PCDHGB4: variants seen among roughly 807,000 people sequenced by gnomAD.
PCDHGB4 encodes the protein protocadherin gamma subfamily B, 4, also known as protocadherin gamma-B4.
In PCDHGB4, 38 loss-of-function variants were observed where a neutral mutation model predicts 60.5. The ratio of observed to expected loss-of-function variants is 0.63; its 90% CI spans 0.48 to 0.82. The LOEUF is 0.82. Among genes scored for constraint, PCDHGB4 ranks in the 40% least tolerant of loss-of-function variants. PCDHGB4 has a pLI of 0.00. For missense variants in PCDHGB4, 1,109 were observed against 1,209.6 expected (o/e 0.92, Z 1.23); for synonymous variants, 456 against 509.7 (o/e 0.89, Z 1.42).
chr5:141,398,776 G>C, intron 1 of PCDHGB4: 2 of 1,613,904 alleles, frequency 1.2e-6, no homozygotes. Context: ...TGCCTTGGAC[G>C]GTGGACATCC....
chr5:141,398,584 A>T lies in PCDHGB4; in HGVS notation c.2397+8303A>T, dbSNP rs201021035. On this transcript the variant is annotated intron_variant, in intron 1 of 3. Transcript: ENST00000519479. Reference sequence around the variant, plus strand: ...GTCTGCACAGCCTGGCACAAGATTTATACTAGAAGTAGCAGAAGATGCAGA... The same window carrying T: ...GTCTGCACAGCCTGGCACAAGATTTTTACTAGAAGTAGCAGAAGATGCAGA... 1.9e-6 allele frequency: 3 copies of T among 1,614,066 alleles called. No homozygotes were observed. In the South Asian group the frequency reaches 3.3e-5, roughly 18 times the overall value.
intron 1 of PCDHGB4, among the ~76,000 whole-genome samples, chr5:141,407,382 A>G (rs1158380926): frequency 6.6e-6 from 1 of 152,218 alleles, no homozygotes; most frequent in Non-Finnish European, 1.5e-5. Context: ...GAAGGCTTGT[A>G]TGTCATGGTA....
At chr5:141,481,649 C>G (rs1199734660) in intron 1 of PCDHGB4, among the ~76,000 whole-genome samples, 1 of 152,012 alleles carries the variant, frequency 6.6e-6, no homozygotes, top group African/African-American at 2.4e-5. Flanking sequence ...GAAACTTCAT[C>G]TCTACTAATA....
chr5:141,418,069 G>T, intron 1 of PCDHGB4: 4 of 1,614,042 alleles, frequency 2.5e-6, no homozygotes, highest in South Asian at 2.2e-5. Flanking sequence ...GAGTGAGCGC[G>T]GAGAAGCTGC....
intron 2 of PCDHGB4, among the ~76,000 whole-genome samples, chr5:141,502,866 C>CTTTTTTT (rs549047197): frequency 0.02 from 2,590 of 127,990 alleles, 216 homozygotes; most frequent in African/African-American, 0.075. Flanking sequence ...GACTCTCTGT[C>CTTTTTTT]TTTTTTTTTT....
chr5:141,399,562 T>G (rs764432886), intron 1 of PCDHGB4: 1 of 1,613,898 alleles, frequency 6.2e-7, no homozygotes, highest in East Asian at 2.2e-5. Flanking sequence ...GGACTTGGGG[T>G]TGAACGGCCA....
In PCDHGB4 at chr5:141,391,891, A is replaced by C. The variant is rs140956361; in HGVS notation, c.2397+1610A>C. 7.1e-4 allele frequency: 108 copies of C among 152,338 alleles called. No individual in the cohort carries two copies. In the East Asian group the frequency reaches 0.015, roughly 21 times the overall value. 9.4% of individuals were successfully genotyped at this position (152,338 alleles called of 1,614,324 possible). On this transcript the variant is annotated intron_variant, in intron 1 of 3. Coordinates refer to ENST00000519479, the MANE Select transcript of PCDHGB4 (RefSeq NM_003736.4). ...TCATCTCTTTGGTGAAAGGGATGGG[A>C]TGGAGCTTTGCTTTTTATCATATAT... is the stretch of plus-strand genomic sequence containing the variant.
At chr5:141,434,608 C>T (rs142418557) in intron 1 of PCDHGB4, among the ~76,000 whole-genome samples, 1,532 of 152,226 alleles carry the variant, frequency 0.01, 34 homozygotes, top group African/African-American at 0.034. Flanking sequence ...CCTTTATTTC[C>T]GCCCATCTCT....
Position 141,490,810 on chromosome 5 carries a change from T to C in PCDHGB4, c.2398-3997T>C, listed in dbSNP as rs2099704652. On this transcript the variant is annotated intron_variant, in intron 1 of 3. Transcript: ENST00000519479. This position sits in a 1 kb window ranked among gnomAD's most constrained non-coding sequence, Gnocchi z 5.4. ...GATCTTTGCCCAGCGTACCTTTGAC[T>C]ATGAATTGCTGCAGATGCTGCAGAT... 1 of 1,613,936 alleles carries C rather than the reference T, an allele frequency of 6.2e-7. No individual in the cohort carries two copies. Among genetic ancestry groups the C allele is most frequent in the Non-Finnish European group, 8.5e-7 (1 of 1,179,884 alleles).
chr5:141,422,908 C>G, intron 1 of PCDHGB4: 1 of 1,614,244 alleles, frequency 6.2e-7, no homozygotes, highest in Non-Finnish European at 8.5e-7. Flanking sequence ...CGACAATGCG[C>G]CCGAGATCCT....
At chr5:141,413,342 TG>T in intron 1 of PCDHGB4, 1 of 1,613,974 alleles carries the variant, frequency 6.2e-7, no homozygotes, top group South Asian at 1.1e-5. Flanking sequence ...TCCAAGGACT[TG>T]GGTCTGGCGC....
intron 1 of PCDHGB4, among the ~76,000 whole-genome samples, chr5:141,445,582 T>C (rs886701142): frequency 6.6e-6 from 1 of 152,214 alleles, no homozygotes; most frequent in Non-Finnish European, 1.5e-5. Context: ...TAGGGAAGCT[T>C]CGCCTAATCT....
chr5:141,414,702 A>G, intron 1 of PCDHGB4: 1 of 1,613,974 alleles, frequency 6.2e-7, no homozygotes, highest in Non-Finnish European at 8.5e-7. Context: ...CCTCATACAT[A>G]TCCATCAACT....
At position 141,431,335 on chromosome 5, in the gene PCDHGB4, C is replaced by A. The variant is rs747132346; in HGVS notation, c.2397+41054C>A. On this transcript the variant is annotated intron_variant, in intron 1 of 3. Transcript: ENST00000519479. This position sits in a 1 kb window ranked among gnomAD's most constrained non-coding sequence, Gnocchi z 4.8. ...ATGGAGCCGACGGTAGTAAGTACCCCGAATTGGTGCTGAAACGCGCCCTGG... is the reference window on the plus strand; with the variant it reads ...ATGGAGCCGACGGTAGTAAGTACCCAGAATTGGTGCTGAAACGCGCCCTGG... 11 of 1,613,944 alleles carry A rather than the reference C, an allele frequency of 6.8e-6. No homozygotes were observed. The Admixed American group carries it at 1.5e-4, about 22-fold the overall frequency.
intron 1 of PCDHGB4, chr5:141,393,008 T>C: frequency 1.2e-6 from 2 of 1,613,876 alleles, no homozygotes. Flanking sequence ...ACGGAGTCCG[T>C]ATCGTCTCCA....
chr5:141,438,767 T>C (rs1478209487), intron 1 of PCDHGB4, among the ~76,000 whole-genome samples: 2 of 148,566 alleles, frequency 1.3e-5, no homozygotes, highest in Non-Finnish European at 3.0e-5. Flanking sequence ...GTTCAAGCGA[T>C]TCTCCTGCCT....
intron 2 of PCDHGB4, among the ~76,000 whole-genome samples, chr5:141,501,287 TTA>T (rs1491235092): frequency 6.2e-5 from 6 of 96,980 alleles, no homozygotes; most frequent in African/African-American, 2.5e-4. Context: ...GGATATTCCC[TTA>T]TACACACACA....
chr5:141,466,969 C>T (rs2099133068), intron 1 of PCDHGB4, among the ~76,000 whole-genome samples: 1 of 152,068 alleles, frequency 6.6e-6, no homozygotes, highest in African/African-American at 2.4e-5. Flanking sequence ...TATTTTCTCA[C>T]AGCTCATCAT....
intron 1 of PCDHGB4, chr5:141,413,327 A>G (rs200027912): frequency 6.2e-7 from 1 of 1,613,984 alleles, no homozygotes; most frequent in Non-Finnish European, 8.5e-7. Context: ...TTCGTGGGCA[A>G]CATCTCCAAG....
Sources: gnomAD v4.1 joint callset for allele counts (sites outside exome capture counted in the v4.1 genomes callset) on GRCh38, gnomAD v4.1.1 for gene constraint, Gnocchi (gnomAD v3.1) non-coding constraint, MANE v1.5 for transcripts, NCBI Gene and HGNC (gene_info 2026-07-23, HGNC 2026-07-21) for gene names.